Variants in SPAG9 observed in about 807,000 individuals in gnomAD.
SPAG9 encodes C-Jun-amino-terminal kinase-interacting protein 4.
Under a neutral mutation model 166.5 loss-of-function variants are expected in SPAG9, and 35 were observed. The observed-to-expected ratio is 0.21, with a 90% CI of 0.16 to 0.28. The LOEUF is 0.28. Among genes scored for constraint, SPAG9 ranks in the 10% least tolerant of loss-of-function variants. SPAG9 has a pLI of 1.00. For missense variants in SPAG9, 1,235 were observed against 1,603.3 expected, an observed-to-expected ratio of 0.77 and a Z score of 3.92; for synonymous variants, 534 against 565.5, an observed-to-expected ratio of 0.94 and a Z score of 0.79.
chr17:51,105,501 G>A (rs1289617300), intron 1 of SPAG9, among the ~76,000 whole-genome samples: 1 of 152,176 alleles, frequency 6.6e-6, no homozygotes, highest in African/African-American at 2.4e-5. Flanking sequence ...TATCTTATGA[G>A]ATGAAATGAA....
rs980982220 is a variant in SPAG9, at chr17:51,072,879, C to T, written c.424+6705G>A. On this transcript the variant is annotated intron_variant, in intron 2 of 29. Coordinates refer to ENST00000262013, the MANE Select transcript of SPAG9 (RefSeq NM_001130528.3). ...AATGATACTTAAAGATTACTTCCTA[C>T]ATCACCTTTTTAAAAAATAAGAAGT... 4.6e-5 allele frequency among the ~76,000 whole-genome samples: 7 copies of T among 152,270 alleles called. 1 individual carries two copies. The East Asian group carries it at 1.4e-3, about 29-fold the overall frequency.
intron 6 of SPAG9, 57 bp downstream of exon 6, chr17:51,031,624 C>A: frequency 1.7e-6 from 2 of 1,184,906 alleles, no homozygotes; most frequent in South Asian, 1.3e-5. Flanking sequence ...AGGAAGTAAT[C>A]AATAGTTAAT....
rs1365369129 is a variant in SPAG9, at chr17:51,120,675, G to T, written c.-19C>A. On this transcript the variant is annotated 5_prime_UTR_variant, in exon 1 of 30. Transcript: ENST00000262013. This position sits in a 1 kb window ranked among gnomAD's most constrained non-coding sequence, Gnocchi z 4.7. ...GCTCCATGGTGGCAAGCGGACGGGC[G>T]GGCGGCCCGGGGCGTCGCCGGCAGA... The T allele has an allele frequency of 5.2e-6, 8 of 1,545,464 alleles. No individual in the cohort carries two copies. The highest frequency in any genetic ancestry group is 7.0e-6 in the Non-Finnish European group (8 of 1,146,852).
chr17:51,022,134 A>G (rs2045963356), intron 6 of SPAG9, among the ~76,000 whole-genome samples: 1 of 151,566 alleles, frequency 6.6e-6, no homozygotes, highest in African/African-American at 2.4e-5. Context: ...AAAAAAAAAA[A>G]AAAAAAAAGC....
chr17:50,981,197 A>G (rs1974577056), intron 25 of SPAG9, among the ~76,000 whole-genome samples: 1 of 152,152 alleles, frequency 6.6e-6, no homozygotes, highest in East Asian at 1.9e-4. Context: ...TACTGCACTA[A>G]TGGTATATCA....
At chr17:50,999,811 C>T (rs1047631466) in intron 13 of SPAG9, 94 bp from the exon 14 acceptor site, 1 of 971,220 alleles carries the variant, frequency 1.0e-6, no homozygotes, top group African/African-American at 1.6e-5. Flanking sequence ...TCATGGGATA[C>T]ACAGAGGGGA....
intron 9 of SPAG9, among the ~76,000 whole-genome samples, chr17:51,010,480 G>A (rs2045422536): frequency 6.6e-6 from 1 of 151,588 alleles, no homozygotes; most frequent in South Asian, 2.1e-4. Flanking sequence ...GCAGTGCCAT[G>A]GGAATACATT....
At chr17:50,999,574 G>A in intron 14 of SPAG9, 87 bp downstream of exon 14, 1 of 1,446,602 alleles carries the variant, frequency 6.9e-7, no homozygotes. Flanking sequence ...GAAAGAAAAT[G>A]GACATAAAAT....
At chr17:51,056,547 T>G in intron 2 of SPAG9, 65 bp from the exon 3 acceptor site, 1 of 1,031,470 alleles carries the variant, frequency 9.7e-7, no homozygotes, top group Non-Finnish European at 1.5e-6. Flanking sequence ...AAGTACATGT[T>G]AGACTCAGAA....
chr17:51,025,522 T>C (rs769195961), intron 6 of SPAG9, among the ~76,000 whole-genome samples: 2 of 151,486 alleles, frequency 1.3e-5, no homozygotes, highest in African/African-American at 4.9e-5. Flanking sequence ...AAGAGATTGA[T>C]AGTGAAAACA....
intron 3 of SPAG9, 48 bp from the exon 4 acceptor site, chr17:51,047,517 G>A (rs2144457371): frequency 1.2e-6 from 1 of 866,086 alleles, no homozygotes; most frequent in East Asian, 2.6e-5. Flanking sequence ...CTAATACCTG[G>A]AATAAAATCA....
intron 8 of SPAG9, among the ~76,000 whole-genome samples, chr17:51,014,816 A>G (rs2045632664): frequency 6.6e-6 from 1 of 152,172 alleles, no homozygotes. Flanking sequence ...AAAAACATAA[A>G]TAGAGCTTTA....
chr17:51,097,211 A>T (rs183554293), intron 1 of SPAG9, among the ~76,000 whole-genome samples: 261 of 152,108 alleles, frequency 1.7e-3, no homozygotes, highest in African/African-American at 6.1e-3. Flanking sequence ...CTGCACCACT[A>T]CCCCCATACC....
rs200774804 is a variant in SPAG9 at position 51,014,251 on chromosome 17, A to G, written c.1194T>C (p.Asp398=). Residue 398 remains aspartate, a synonymous_variant, in exon 9 of 30, where the codon GAT becomes GAC. Coordinates refer to ENST00000262013, the MANE Select transcript of SPAG9 (RefSeq NM_001130528.3). ...TCATACCTAGTAAATCTGCTCCTTCATCCACATCTCCTATTAGGCCTGAGC... is the reference window on the plus strand; with the variant it reads ...TCATACCTAGTAAATCTGCTCCTTCGTCCACATCTCCTATTAGGCCTGAGC... ...SAGSGLIGDV[D]EGADLLGMGR... The G allele has an allele frequency of 1.9e-4, 303 of 1,612,520 alleles. No individual in the cohort carries two copies. Among genetic ancestry groups the G allele is most frequent in the Non-Finnish European group, 2.4e-4 (280 of 1,179,218 alleles).
intron 2 of SPAG9, among the ~76,000 whole-genome samples, chr17:51,077,065 G>GCTAGCTAGCTATCTAT (rs1598138405): frequency 8.8e-6 from 1 of 114,270 alleles, no homozygotes; most frequent in Non-Finnish European, 2.0e-5. Context: ...TAGCTATCTA[G>GCTAGCTAGCTATCTAT]CTAGCTATCT....
Position 51,007,235 on chromosome 17 carries a change from C to A in SPAG9, c.1271+34G>T, listed in dbSNP as rs367808224. The A allele has an allele frequency of 1.3e-4, 166 of 1,251,348 alleles. No homozygotes were observed. In the African/African-American group the frequency reaches 2.0e-3, roughly 15 times the overall value. The allele number at this position is 1,251,348 out of a possible 1,614,324, so 77.5% of individuals were successfully genotyped here. On this transcript the variant is annotated intron_variant, in intron 10 of 29. Coordinates refer to ENST00000262013, the MANE Select transcript of SPAG9 (RefSeq NM_001130528.3). ...CATTGACTTGGACAAGAAGAAAATT[C>A]TTTATCTTCTGTTAAAATTTCACAT...
chr17:51,040,495 A>C (rs1425296390), intron 5 of SPAG9: 2 of 152,196 alleles, frequency 1.3e-5, no homozygotes, highest in Non-Finnish European at 2.9e-5. Flanking sequence ...AGTTGAGAGA[A>C]AGACCACTTA....
intron 2 of SPAG9, among the ~76,000 whole-genome samples, chr17:51,077,412 G>A (rs1428706084): frequency 3.3e-5 from 5 of 151,794 alleles, no homozygotes; most frequent in South Asian, 2.1e-4. Flanking sequence ...GTGACCCACC[G>A]TGCCTGGCCT....
chr17:51,091,323 G>C (rs963560587), intron 1 of SPAG9, among the ~76,000 whole-genome samples: 8 of 150,830 alleles, frequency 5.3e-5, no homozygotes, highest in Non-Finnish European at 1.0e-4. Context: ...GTCTAGGATA[G>C]TCATTAATGA....
Sources: gnomAD v4.1 joint callset for allele counts (sites outside exome capture counted in the v4.1 genomes callset) on GRCh38, gnomAD v4.1.1 for gene constraint, Gnocchi (gnomAD v3.1) non-coding constraint, MANE v1.5 for transcripts, NCBI Gene and HGNC (gene_info 2026-07-23, HGNC 2026-07-21) for gene names.